IGSF11: variants seen among roughly 807,000 people sequenced by gnomAD.
The protein encoded by IGSF11 is CXADR like 1.
IGSF11 carries 22 observed loss-of-function variants against 41.0 expected under a neutral mutation model. The observed-to-expected ratio is 0.54, with a 90% CI of 0.38 to 0.77. The LOEUF (loss-of-function observed/expected upper bound fraction) is 0.77. Among genes scored for constraint, IGSF11 ranks in the 30% least tolerant of loss-of-function variants. IGSF11 has a pLI of 0.00. For synonymous variants in IGSF11, 219 were observed against 201.3 expected (o/e 1.09, Z -0.74); for missense variants, 444 against 530.8 (o/e 0.84, Z 1.61).
intron 1 of IGSF11, among the ~76,000 whole-genome samples, chr3:118,934,126 T>A (rs77320656): frequency 0.024 from 3,724 of 152,286 alleles, 86 homozygotes; most frequent in East Asian, 0.065. Context: ...TTCACGTTAA[T>A]CTTTTTGAAA....
At chr3:118,945,203 A>G (rs966194231) in intron 1 of IGSF11, among the ~76,000 whole-genome samples, 1 of 151,990 alleles carries the variant, frequency 6.6e-6, no homozygotes, top group Admixed American at 6.6e-5. Flanking sequence ...ATAAGCAGGG[A>G]AAAAAAACCA....
intron 1 of IGSF11, among the ~76,000 whole-genome samples, chr3:119,068,748 A>G (rs1343679554): frequency 6.6e-6 from 1 of 152,160 alleles, no homozygotes; most frequent in South Asian, 2.1e-4. Flanking sequence ...CTTTAGAAAT[A>G]AGTTTTAAGC....
chr3:118,902,466 C>CCCCT lies in IGSF11; in HGVS notation c.*53_*54insAGGG. The CCCCT allele has an allele frequency of 1.1e-6, 1 of 878,270 alleles. No homozygotes were observed. The highest frequency in any genetic ancestry group is 1.8e-6 in the Non-Finnish European group (1 of 544,884). The allele number at this position is 878,270 out of a possible 1,614,324, so 54.4% of individuals were successfully genotyped here. A position where few individuals can be genotyped will look rare whatever the true frequency, so the allele number is the denominator to read the frequency against. On this transcript the variant is annotated 3_prime_UTR_variant, in exon 7 of 7. Transcript: ENST00000393775. ...CAGCACTCCCCACCCCACCCTCCCCCTTGTATGAGGGCATTCCATTTATTC... is the reference window on the plus strand; with the variant it reads ...CAGCACTCCCCACCCCACCCTCCCCCCCCTTTGTATGAGGGCATTCCATTTATTC...
intron 1 of IGSF11, among the ~76,000 whole-genome samples, chr3:118,941,237 C>T (rs1054362372): frequency 6.6e-6 from 1 of 151,952 alleles, no homozygotes; most frequent in African/African-American, 2.4e-5. Context: ...TTTCAAAACA[C>T]AAGTTCTTGT....
intron 1 of IGSF11, among the ~76,000 whole-genome samples, chr3:119,114,477 C>A (rs1183969740): frequency 6.6e-6 from 1 of 152,180 alleles, no homozygotes; most frequent in African/African-American, 2.4e-5. Flanking sequence ...TCCACAGATC[C>A]CTAGGGCAGA....
At chr3:118,959,520 C>T (rs756133741) in intron 1 of IGSF11, among the ~76,000 whole-genome samples, 21 of 152,166 alleles carry the variant, frequency 1.4e-4, no homozygotes, top group Non-Finnish European at 2.2e-4. Context: ...ACATGGATAA[C>T]GTGACCCAAC....
At chr3:119,057,478 C>T (rs1379533932) in intron 1 of IGSF11, among the ~76,000 whole-genome samples, 4 of 152,076 alleles carry the variant, frequency 2.6e-5, no homozygotes, top group African/African-American at 9.7e-5. Context: ...AAAGAGGATA[C>T]AAACAAATGG....
intron 1 of IGSF11, among the ~76,000 whole-genome samples, chr3:119,076,206 A>T (rs1183460186): frequency 6.6e-6 from 1 of 152,238 alleles, no homozygotes; most frequent in Non-Finnish European, 1.5e-5. Context: ...CTGGCTAGCC[A>T]TATGTAGAAA....
chr3:118,907,959 A>G (rs1253752609), intron 4 of IGSF11, among the ~76,000 whole-genome samples: 1 of 152,208 alleles, frequency 6.6e-6, no homozygotes, highest in Non-Finnish European at 1.5e-5. Flanking sequence ...CTTCATGTAC[A>G]CATGTACTAA....
chr3:119,126,517 G>C (rs991012623), intron 1 of IGSF11, among the ~76,000 whole-genome samples: 1 of 152,212 alleles, frequency 6.6e-6, no homozygotes, highest in African/African-American at 2.4e-5. Flanking sequence ...TCCACCAAGG[G>C]ACAAAGTGCT....
At chr3:119,042,001 AT>A (rs891880998) in intron 1 of IGSF11, among the ~76,000 whole-genome samples, 4 of 152,192 alleles carry the variant, frequency 2.6e-5, no homozygotes, top group African/African-American at 9.7e-5. Context: ...AAATAGGCCA[AT>A]TTTTCTTATG....
intron 1 of IGSF11, among the ~76,000 whole-genome samples, chr3:118,934,077 C>A (rs1014627348): frequency 1.3e-5 from 2 of 152,162 alleles, no homozygotes; most frequent in African/African-American, 2.4e-5. Context: ...TTCCCTACAC[C>A]CCACAGTCCT....
At chr3:118,987,001 C>T (rs187155053) in intron 1 of IGSF11, among the ~76,000 whole-genome samples, 94 of 152,260 alleles carry the variant, frequency 6.2e-4, no homozygotes, top group Admixed American at 3.9e-3. Context: ...AGGTTAGGCA[C>T]TAATTAGATT....
chr3:119,045,089 A>T (rs752426063), intron 1 of IGSF11, among the ~76,000 whole-genome samples: 6 of 152,268 alleles, frequency 3.9e-5, no homozygotes, highest in Non-Finnish European at 8.8e-5. Context: ...TAAATGCTCC[A>T]CTTAAAAAAT....
At chr3:118,932,872 A>C (rs1230983027) in intron 1 of IGSF11, among the ~76,000 whole-genome samples, 1 of 152,250 alleles carries the variant, frequency 6.6e-6, no homozygotes, top group East Asian at 1.9e-4. Context: ...AGTACCCTCC[A>C]CCAGCAATTC....
intron 3 of IGSF11, among the ~76,000 whole-genome samples, chr3:118,927,702 A>G (rs965966825): frequency 1.3e-5 from 2 of 152,224 alleles, no homozygotes; most frequent in African/African-American, 4.8e-5. Flanking sequence ...GAGGAGAATC[A>G]AGAACATCAA....
At chr3:119,134,127 T>C (rs2077522971) in intron 1 of IGSF11, among the ~76,000 whole-genome samples, 1 of 152,140 alleles carries the variant, frequency 6.6e-6, no homozygotes, top group Non-Finnish European at 1.5e-5. Context: ...GGGCAAAAAC[T>C]GGAAGCATTC....
chr3:119,003,157 G>A (rs1461599870), intron 1 of IGSF11, among the ~76,000 whole-genome samples: 157 of 140,178 alleles, frequency 1.1e-3, no homozygotes, highest in Non-Finnish European at 1.6e-3. Context: ...ATTGAGCAGT[G>A]GTTTGTAGTT....
At chr3:119,130,344 A>T (rs1469648386) in intron 1 of IGSF11, among the ~76,000 whole-genome samples, 1 of 152,080 alleles carries the variant, frequency 6.6e-6, no homozygotes, top group Non-Finnish European at 1.5e-5. Context: ...AAATCGGTAC[A>T]CTCTTGCCCA....
Sources: gnomAD v4.1 joint callset for allele counts (sites outside exome capture counted in the v4.1 genomes callset) on GRCh38, gnomAD v4.1.1 for gene constraint, MANE v1.5 for transcripts, NCBI Gene and HGNC (gene_info 2026-07-23, HGNC 2026-07-21) for gene names.